The following ACSL5 variants were observed in gnomAD, a reference collection of about 807,000 sequenced individuals.
ACSL5 encodes long-chain-fatty-acid--CoA ligase 5.
A neutral mutation model predicts 84.9 loss-of-function variants in ACSL5; 50 were observed. The ratio of observed to expected loss-of-function variants is 0.59; its 90% CI spans 0.47 to 0.75. ACSL5 has a LOEUF of 0.75. ACSL5 is among the 30% of genes least tolerant of loss of function. The pLI is 0.00. For missense variants in ACSL5, 775 were observed against 830.4 expected (o/e 0.93, Z 0.82); for synonymous variants, 280 against 300.7 (o/e 0.93, Z 0.71).
At position 112,411,473 on chromosome 10, in the gene ACSL5, A is replaced by G. The variant is rs750594753; in HGVS notation, c.814A>G (p.Met272Val). The part of the protein sequence containing the change: ...SGTTGDPKGA[M>V]ITHQNIVSNA... Reference sequence around the variant, plus strand: ...TCCTACAGGTGACCCCAAAGGAGCCATGATAACCCATCAAAATATTGTTTC... The same window carrying G: ...TCCTACAGGTGACCCCAAAGGAGCCGTGATAACCCATCAAAATATTGTTTC... Residue 272 changes from methionine (M) to valine (V), a missense_variant, in exon 10 of 21, where the codon ATG (methionine) becomes GTG (valine). Coordinates refer to ENST00000354655, the MANE Select transcript of ACSL5 (RefSeq NM_203379.2). 6.2e-7 allele frequency: 1 copy of G among 1,613,768 alleles called. No individual in the cohort carries two copies. The highest frequency in any genetic ancestry group is 8.5e-7 in the Non-Finnish European group (1 of 1,179,622).
At position 112,422,033 on chromosome 10, in the gene ACSL5, G is replaced by GAGGTGGGT; in HGVS notation, c.1476+3_1476+10dup. 6.2e-7 allele frequency: 1 copy of GAGGTGGGT among 1,614,190 alleles called. No homozygotes were observed. The highest frequency in any genetic ancestry group is 8.5e-7 in the Non-Finnish European group (1 of 1,180,004). ...CTACTTTACAGTGAATAATGAAGGA[G>GAGGTGGGT]AGGTGGGTAGGTCATGCCCTGTGGT... On this transcript the variant is annotated frameshift_variant and splice_region_variant, in exon 16 of 21. Transcript: ENST00000354655. LOFTEE classifies it high-confidence loss of function.
chr10:112,412,296 C>G (rs1844196124), intron 11 of ACSL5: 1 of 265,934 alleles, frequency 3.8e-6, no homozygotes, highest in Non-Finnish European at 7.0e-6. Flanking sequence ...AAGACATTGT[C>G]TTCTTTTTAA....
intron 1 of ACSL5, among the ~76,000 whole-genome samples, chr10:112,382,062 A>G (rs1849361720): frequency 6.6e-6 from 1 of 152,166 alleles, no homozygotes; most frequent in Non-Finnish European, 1.5e-5. Flanking sequence ...AATTGGCTTT[A>G]TCTTCTACTG....
chr10:112,386,332 T>C (rs181104519), intron 1 of ACSL5, among the ~76,000 whole-genome samples: 20 of 151,934 alleles, frequency 1.3e-4, no homozygotes, highest in Admixed American at 9.8e-4. Context: ...TAGCTGGGAT[T>C]ATAAGCGCAC....
intron 1 of ACSL5, 96 bp from the exon 2 acceptor site, chr10:112,394,820 GTA>G (rs752080578): frequency 4.4e-5 from 67 of 1,520,092 alleles, no homozygotes; most frequent in Non-Finnish European, 5.3e-5. Flanking sequence ...GTGTGTGTGT[GTA>G]TGTGTGTGTG....
At chr10:112,412,053 A>G (rs1458802663) in intron 11 of ACSL5, 74 bp downstream of exon 11, 1 of 1,414,090 alleles carries the variant, frequency 7.1e-7, no homozygotes, top group Non-Finnish European at 1.0e-6. Context: ...TTCCAAAGGC[A>G]GCTACACAGT....
At chr10:112,392,443 CA>C (rs1470073364) in intron 1 of ACSL5, among the ~76,000 whole-genome samples, 1 of 119,210 alleles carries the variant, frequency 8.4e-6, no homozygotes. Context: ...TGTGTCTTTA[CA>C]AAAAATTAAA....
intron 1 of ACSL5, chr10:112,376,298 C>A (rs370546224): frequency 2.7e-5 from 43 of 1,613,978 alleles, no homozygotes; most frequent in African/African-American, 1.7e-4. Context: ...TCTGGGCCGG[C>A]CTTCTGCCTG....
intron 1 of ACSL5, among the ~76,000 whole-genome samples, chr10:112,394,435 A>T (rs1843702442): frequency 6.6e-6 from 1 of 152,226 alleles, no homozygotes; most frequent in South Asian, 2.1e-4. Flanking sequence ...GTTAATTTCT[A>T]AAACCTGTGG....
rs1844486835 is a variant in ACSL5 at position 112,422,434 on chromosome 10, G to C, written c.1586G>C (p.Trp529Ser). The C allele has an allele frequency of 1.9e-6, 3 of 1,613,934 alleles. No individual in the cohort carries two copies. The highest frequency in any genetic ancestry group is 2.5e-6 in the Non-Finnish European group (3 of 1,179,864). Reference sequence around the variant, plus strand: ...CTTCACACAGGAGACATTGGTCGCTGGCTCCCGGTAGGTATATCATCAGAA... The same window carrying C: ...CTTCACACAGGAGACATTGGTCGCTCGCTCCCGGTAGGTATATCATCAGAA... ...GWLHTGDIGR[W>S]LPNGTLKIID... The change falls in exon 17 of 21, where the codon TGG becomes TCG. Residue 529 changes from tryptophan to serine, a missense_variant. Trp to Ser is a radical substitution (Grantham distance 177). Coordinates refer to ENST00000354655, the MANE Select transcript of ACSL5 (RefSeq NM_203379.2).
intron 12 of ACSL5, among the ~76,000 whole-genome samples, 188 bp downstream of exon 12, chr10:112,413,495 G>A (rs1319920081): frequency 6.6e-6 from 1 of 152,190 alleles, no homozygotes; most frequent in African/African-American, 2.4e-5. Context: ...GGAGGCCAAG[G>A]CAGGCAGATT....
At chr10:112,413,442 C>A in intron 12 of ACSL5, 135 bp downstream of exon 12, 1 of 1,155,926 alleles carries the variant, frequency 8.7e-7, no homozygotes, top group Non-Finnish European at 1.2e-6. Flanking sequence ...AAATACAATC[C>A]CCGCCAGGTG....
At chr10:112,405,565 A>G (rs10885346) in intron 5 of ACSL5, among the ~76,000 whole-genome samples, 69,983 of 151,886 alleles carry the variant, frequency 0.46, 16,742 homozygotes, top group South Asian at 0.58. Context: ...GTGAATCTGC[A>G]TACTCCATTC....
chr10:112,419,610 C>G (rs944580328), intron 14 of ACSL5: 1 of 152,128 alleles, frequency 6.6e-6, no homozygotes. Flanking sequence ...TGTTGGCACT[C>G]AAAAAGTTTT....
At chr10:112,402,012 C>A (rs1843924621) in intron 3 of ACSL5, among the ~76,000 whole-genome samples, 1 of 151,514 alleles carries the variant, frequency 6.6e-6, no homozygotes, top group Non-Finnish European at 1.5e-5. Flanking sequence ...GTTGCCCAGG[C>A]TGGAGTGCAG....
intron 3 of ACSL5, among the ~76,000 whole-genome samples, chr10:112,401,839 T>TTC (rs1843913778): frequency 2.3e-4 from 21 of 92,094 alleles, no homozygotes; most frequent in African/African-American, 4.4e-4. Flanking sequence ...TTTCTTTCTT[T>TTC]CTTCCTTCCT....
chr10:112,414,915 C>G (rs1844280263), intron 12 of ACSL5, among the ~76,000 whole-genome samples: 2 of 152,074 alleles, frequency 1.3e-5, no homozygotes, highest in South Asian at 4.1e-4. Context: ...TGCTTTGGAA[C>G]CCTCCCCCAC....
intron 2 of ACSL5, among the ~76,000 whole-genome samples, chr10:112,396,889 A>G (rs771908961): frequency 6.6e-6 from 1 of 152,192 alleles, no homozygotes; most frequent in Non-Finnish European, 1.5e-5. Flanking sequence ...TCTTAACGTG[A>G]TGGCCCATGT....
chr10:112,424,340 C>T (rs1424926214), intron 17 of ACSL5: 2 of 152,230 alleles, frequency 1.3e-5, no homozygotes, highest in East Asian at 3.8e-4. Flanking sequence ...GTCACTAGAA[C>T]TTAAAACTCC....
Sources: gnomAD v4.1 joint callset for allele counts (sites outside exome capture counted in the v4.1 genomes callset) on GRCh38, gnomAD v4.1.1 for gene constraint, MANE v1.5 for transcripts, NCBI Gene and HGNC (gene_info 2026-07-23, HGNC 2026-07-21) for gene names.